TJP1: variants seen among roughly 807,000 people sequenced by gnomAD.
TJP1 encodes the protein tight junction protein 1, also known as tight junction protein ZO-1.
In TJP1, 43 loss-of-function variants were observed where a neutral mutation model predicts 194.2. The observed-to-expected ratio is 0.22, with a 90% CI of 0.17 to 0.29. TJP1 has a LOEUF of 0.29. Among genes scored for constraint, TJP1 ranks in the 10% least tolerant of loss-of-function variants. TJP1 has a pLI of 1.00. For synonymous variants in TJP1, 801 were observed against 779.0 expected (o/e 1.03, Z -0.47); for missense variants, 1,971 against 2,185.7 (o/e 0.90, Z 1.96).
At chr15:29,782,670 G>A (rs1194960264) in intron 2 of TJP1, among the ~76,000 whole-genome samples, 3 of 152,072 alleles carry the variant, frequency 2.0e-5, no homozygotes, top group Non-Finnish European at 4.4e-5. Context: ...AAAAGCAACT[G>A]CAACAAAAGC....
At chr15:29,848,052 A>C (rs1182230655) in intron 2 of TJP1, among the ~76,000 whole-genome samples, 1 of 150,132 alleles carries the variant, frequency 6.7e-6, no homozygotes, top group African/African-American at 2.5e-5. Flanking sequence ...GTTTGATTTC[A>C]TTGTGGCAGA....
At chr15:29,945,106 T>C (rs1044539289) in intron 2 of TJP1, among the ~76,000 whole-genome samples, 4 of 152,198 alleles carry the variant, frequency 2.6e-5, no homozygotes, top group African/African-American at 4.8e-5. Flanking sequence ...TGGGATCTCA[T>C]ACTAACCTTC....
chr15:29,856,449 G>A (rs2051854090), intron 2 of TJP1, among the ~76,000 whole-genome samples: 1 of 152,202 alleles, frequency 6.6e-6, no homozygotes, highest in Non-Finnish European at 1.5e-5. Flanking sequence ...CTGGGGGAAG[G>A]GGGAATGGGG....
chr15:29,926,036 G>C (rs891061884), intron 2 of TJP1, among the ~76,000 whole-genome samples: 3 of 152,104 alleles, frequency 2.0e-5, no homozygotes, highest in African/African-American at 7.2e-5. Context: ...GCCAGCTAGT[G>C]CAGCAGTTAG....
At chr15:29,968,686 G>T in exon 1 of TJP1, 1 of 1,139,846 alleles carries the variant, frequency 8.8e-7, no homozygotes, top group Non-Finnish European at 1.1e-6. Context: ...CTCTTGAGCG[G>T]CAGGAGGCTG....
chr15:29,962,540 C>T (rs1401614306), intron 1 of TJP1, among the ~76,000 whole-genome samples: 4 of 152,150 alleles, frequency 2.6e-5, no homozygotes, highest in African/African-American at 9.7e-5. Flanking sequence ...ACAGCCACAG[C>T]CAACTCAAGA....
intron 2 of TJP1, among the ~76,000 whole-genome samples, chr15:29,828,735 C>CTTT (rs60018975): frequency 7.5e-6 from 1 of 133,356 alleles, no homozygotes; most frequent in African/African-American, 2.7e-5. Flanking sequence ...TGAATTGAGT[C>CTTT]TTTTTTTTTT....
rs747410833 is a variant in TJP1 at position 29,760,192 on chromosome 15, A to G, written c.1010+947T>C. 26 of 702,130 alleles carry G rather than the reference A, an allele frequency of 3.7e-5. 2 individuals carry two copies. The South Asian group carries it at 3.8e-4, about 10-fold the overall frequency. 43.5% of individuals were successfully genotyped at this position (702,130 alleles called of 1,614,324 possible). ...TTAACCATGGGTCAGGTGGTGGCCT[A>G]TAGAGCCTTGGGAGTCTCCAGAAAT... On this transcript the variant is annotated intron_variant, in intron 8 of 27. Transcript: ENST00000614355.
chr15:29,929,684 G>A (rs1392933789), intron 2 of TJP1, among the ~76,000 whole-genome samples: 2 of 151,926 alleles, frequency 1.3e-5, no homozygotes, highest in Non-Finnish European at 2.9e-5. Flanking sequence ...GTGACAGGGC[G>A]AAACTCTGTC....
At chr15:29,916,885 T>C (rs1533861) in intron 2 of TJP1, among the ~76,000 whole-genome samples, 17,511 of 152,220 alleles carry the variant, frequency 0.12, 1,214 homozygotes, top group East Asian at 0.26. Context: ...CATAGAGCCA[T>C]TTCCTTTCAA....
chr15:29,831,191 C>T (rs115156215), intron 2 of TJP1, among the ~76,000 whole-genome samples: 3,826 of 152,248 alleles, frequency 0.025, 60 homozygotes, highest in South Asian at 0.054. Flanking sequence ...AACTTTATTT[C>T]AGATAGCCAA....
chr15:29,785,187 GCCGTATTTCAAACTT>G (rs1185949438), intron 2 of TJP1, among the ~76,000 whole-genome samples: 2 of 152,116 alleles, frequency 1.3e-5, no homozygotes, highest in Non-Finnish European at 2.9e-5. Flanking sequence ...TCAAAGACTT[GCCGTATTTCAAACTT>G]TTGAAACCTT....
chr15:29,812,514 C>T (rs1360909463), intron 1 of TJP1, among the ~76,000 whole-genome samples: 1 of 152,146 alleles, frequency 6.6e-6, no homozygotes, highest in Non-Finnish European at 1.5e-5. Flanking sequence ...CTGGCTTGTG[C>T]TCTGATGGAG....
At chr15:29,759,673 A>G (rs1317250889) in intron 8 of TJP1, 3 of 152,366 alleles carry the variant, frequency 2.0e-5, no homozygotes, top group Non-Finnish European at 4.4e-5. Context: ...GTCTGTTTCT[A>G]TGAGTTCAAC....
intron 20 of TJP1, 36 bp downstream of exon 20, chr15:29,719,741 C>T: frequency 4.4e-6 from 7 of 1,584,988 alleles, no homozygotes; most frequent in Non-Finnish European, 6.0e-6. Context: ...GATTGATGGA[C>T]AGCAACAAAT....
In TJP1 at chr15:29,705,675, T is replaced by G; in HGVS notation, c.4921A>C (p.Asn1641His). The G allele has an allele frequency of 6.2e-7, 1 of 1,614,208 alleles. No homozygotes were observed. The highest frequency in any genetic ancestry group is 8.5e-7 in the Non-Finnish European group (1 of 1,180,042). ...GAACTCAGCACGCCCCCATTGCTGT[T>G]AAATATGCCTCGGGCTGTGGCCACC... Reference protein sequence around the residue: ...TVVATARGIFNSNGGVLSSIE... With the variant: ...TVVATARGIFHSNGGVLSSIE... Residue 1641 changes from asparagine (N) to histidine (H), a missense_variant, in exon 26 of 28, where the codon AAC becomes CAC. Transcript: ENST00000614355.
intron 2 of TJP1, among the ~76,000 whole-genome samples, chr15:29,953,139 G>GTTTTTTTTTT (rs1406936700): frequency 1.5e-5 from 1 of 64,734 alleles, no homozygotes; most frequent in Admixed American, 1.7e-4. Context: ...AAAGAAGACA[G>GTTTTTTTTTT]ATTTTTTTTT....
chr15:29,787,740 T>C (rs1007873327), intron 2 of TJP1, among the ~76,000 whole-genome samples: 1 of 152,250 alleles, frequency 6.6e-6, no homozygotes, highest in African/African-American at 2.4e-5. Flanking sequence ...TTATTCATTA[T>C]TCATCAGCTA....
chr15:29,902,695 C>A (rs905516816), intron 2 of TJP1, among the ~76,000 whole-genome samples: 1 of 152,122 alleles, frequency 6.6e-6, no homozygotes, highest in Non-Finnish European at 1.5e-5. Flanking sequence ...ATCAACAAGT[C>A]AGCAAGTTAA....
Sources: gnomAD v4.1 joint callset for allele counts (sites outside exome capture counted in the v4.1 genomes callset) on GRCh38, gnomAD v4.1.1 for gene constraint, MANE v1.5 for transcripts, NCBI Gene and HGNC (gene_info 2026-07-23, HGNC 2026-07-21) for gene names.